Variants in WDR49 observed in about 807,000 individuals in gnomAD.
The protein encoded by WDR49 is WD repeat domain 49.
WDR49 carries 107 observed loss-of-function variants against 119.5 expected under a neutral mutation model. The observed-to-expected ratio is 0.90, with a 90% confidence interval of 0.77 to 1.05. The LOEUF (loss-of-function observed/expected upper bound fraction) is 1.05. Ranked by LOEUF, WDR49 falls within the 50% of genes least tolerant of loss-of-function variation. The pLI, the probability that WDR49 is intolerant of heterozygous loss-of-function variation, is 0.00. For synonymous variants in WDR49, 425 were observed against 418.8 expected (o/e 1.01, Z -0.18); for missense variants, 1,240 against 1,220.5 (o/e 1.02, Z -0.24).
chr3:167,490,285 C>A (rs1284148157), intron 18 of WDR49, among the ~76,000 whole-genome samples: 1 of 151,978 alleles, frequency 6.6e-6, no homozygotes, highest in Non-Finnish European at 1.5e-5. Context: ...GTTTTATAGA[C>A]CCAAAATTTT....
intron 16 of WDR49, among the ~76,000 whole-genome samples, chr3:167,513,483 C>A (rs1362946196): frequency 6.6e-6 from 1 of 152,150 alleles, no homozygotes; most frequent in Non-Finnish European, 1.5e-5. Context: ...AAAGGAAAAA[C>A]CGTTATCAGT....
chr3:167,602,244 A>G lies in WDR49; in HGVS notation c.1158T>C (p.Leu386=), dbSNP rs748484508. Reference sequence around the variant, plus strand: ...GTTTAGAGACAACATAGGGATTCCAAAGGCAAACTTTATTGTTAATGCCAG... The same window carrying G: ...GTTTAGAGACAACATAGGGATTCCAGAGGCAAACTTTATTGTTAATGCCAG... ...ATAGINNKVC[L]WNPYVVSKPV... Residue 386 remains leucine, a synonymous_variant, in exon 7 of 19, where the codon CTT becomes CTC. Transcript: ENST00000682715. The G allele has an allele frequency of 1.8e-5, 28 of 1,593,624 alleles. No homozygotes were observed. The highest frequency in any genetic ancestry group is 1.0e-4 in the Admixed American group (6 of 59,570).
intron 9 of WDR49, among the ~76,000 whole-genome samples, chr3:167,558,172 C>T (rs1405246095): frequency 2.0e-5 from 3 of 152,086 alleles, no homozygotes; most frequent in Non-Finnish European, 4.4e-5. Context: ...AAAACAGTAA[C>T]AGTGGTAGCC....
intron 2 of WDR49, among the ~76,000 whole-genome samples, chr3:167,652,896 A>G (rs1160776470): frequency 6.6e-6 from 1 of 152,160 alleles, no homozygotes; most frequent in African/African-American, 2.4e-5. Flanking sequence ...AAATGCAAGA[A>G]CAATTATTCC....
At chr3:167,576,212 A>G (rs1404346665) in intron 7 of WDR49, 61 bp from the exon 8 acceptor site, 4 of 1,472,014 alleles carry the variant, frequency 2.7e-6, no homozygotes, top group South Asian at 2.5e-5. Flanking sequence ...CTTTTAGCCA[A>G]TTTTTTTTCT....
At chr3:167,601,498 CA>C (rs1203834333) in intron 7 of WDR49, among the ~76,000 whole-genome samples, 2 of 152,036 alleles carry the variant, frequency 1.3e-5, no homozygotes, top group Non-Finnish European at 2.9e-5. Flanking sequence ...GAAGCTTTAC[CA>C]AGGAACAAAA....
chr3:167,586,142 C>A (rs934447378), intron 7 of WDR49, among the ~76,000 whole-genome samples: 1 of 152,150 alleles, frequency 6.6e-6, no homozygotes, highest in Non-Finnish European at 1.5e-5. Flanking sequence ...AAGGATTAAG[C>A]CACAAACTGA....
intron 2 of WDR49, among the ~76,000 whole-genome samples, chr3:167,629,461 G>A (rs1717271578): frequency 6.6e-6 from 1 of 151,932 alleles, no homozygotes; most frequent in Middle Eastern, 3.2e-3. Flanking sequence ...ATGTACAAGG[G>A]GATTAATATT....
At chr3:167,628,876 C>T (rs1019036128) in intron 2 of WDR49, among the ~76,000 whole-genome samples, 3 of 152,136 alleles carry the variant, frequency 2.0e-5, no homozygotes, top group Non-Finnish European at 4.4e-5. Flanking sequence ...CAGACTGACT[C>T]TCTTGTTAGG....
chr3:167,620,335 A>G, intron 5 of WDR49, 94 bp downstream of exon 5: 1 of 1,300,034 alleles, frequency 7.7e-7, no homozygotes, highest in Non-Finnish European at 1.0e-6. Context: ...TGGTTTCTAG[A>G]CTTAAAGGTT....
At chr3:167,586,917 C>G (rs569119242) in intron 7 of WDR49, among the ~76,000 whole-genome samples, 116 of 152,108 alleles carry the variant, frequency 7.6e-4, no homozygotes, top group African/African-American at 2.6e-3. Flanking sequence ...CGTTATAAAA[C>G]CTCTCGGGGA....
At chr3:167,530,673 C>T (rs192160329) in intron 13 of WDR49, among the ~76,000 whole-genome samples, 273 of 152,080 alleles carry the variant, frequency 1.8e-3, no homozygotes, top group African/African-American at 6.5e-3. Flanking sequence ...CATCCATGCT[C>T]CTCATTATTC....
chr3:167,589,708 G>T (rs1230031836), intron 7 of WDR49, among the ~76,000 whole-genome samples: 2 of 151,890 alleles, frequency 1.3e-5, no homozygotes, highest in African/African-American at 4.8e-5. Context: ...TTCTAAACGG[G>T]ATTATTTTCT....
intron 2 of WDR49, among the ~76,000 whole-genome samples, chr3:167,627,954 G>C (rs1048374913): frequency 6.6e-6 from 1 of 151,806 alleles, no homozygotes; most frequent in African/African-American, 2.4e-5. Flanking sequence ...GTCACATTCT[G>C]GTAATTCTTA....
Position 167,570,868 on chromosome 3 carries a change from T to G in WDR49, c.1509+5050A>C, listed in dbSNP as rs914332640. On this transcript the variant is annotated intron_variant, in intron 8 of 18. Coordinates refer to ENST00000682715, the MANE Select transcript of WDR49 (RefSeq NM_001366157.1). ...CTGACCAACATGGTGAAACCATGTC[T>G]CTACTAAAAACGTGAAAAGTAGCCG... Among the ~76,000 whole-genome samples, 13 of 152,068 alleles carry G rather than the reference T, an allele frequency of 8.5e-5. No homozygotes were observed. In the East Asian group the frequency reaches 2.1e-3, roughly 25 times the overall value.
intron 8 of WDR49, among the ~76,000 whole-genome samples, chr3:167,572,637 C>T (rs193076999): frequency 9.2e-5 from 14 of 152,242 alleles, no homozygotes; most frequent in African/African-American, 3.1e-4. Flanking sequence ...GTGTTAGGAG[C>T]TGTGGGAAAA....
At position 167,565,893 on chromosome 3, in the gene WDR49, G is replaced by C. The variant is rs116873629; in HGVS notation, c.1510-5665C>G. On this transcript the variant is annotated intron_variant, in intron 8 of 18. Transcript: ENST00000682715. ...CTAATATTAATTAGCATTTACCCTT[G>C]CTTTATTTCATGTATCTTTATATAT... 9.2e-4 allele frequency among the ~76,000 whole-genome samples: 140 copies of C among 152,084 alleles called. 3 individuals carry two copies. The East Asian group carries it at 0.024, about 26-fold the overall frequency.
intron 10 of WDR49, among the ~76,000 whole-genome samples, chr3:167,550,888 T>C (rs1248717519): frequency 6.6e-6 from 1 of 151,686 alleles, no homozygotes; most frequent in Non-Finnish European, 1.5e-5. Context: ...ACTATACATA[T>C]TATATGCCTA....
intron 9 of WDR49, among the ~76,000 whole-genome samples, chr3:167,555,529 ACATATG>A (rs991425685): frequency 1.3e-5 from 2 of 152,230 alleles, no homozygotes; most frequent in Admixed American, 6.5e-5. Context: ...ACAAGTTACA[ACATATG>A]CTTGTGACTG....
Sources: gnomAD v4.1 joint callset for allele counts (sites outside exome capture counted in the v4.1 genomes callset) on GRCh38, gnomAD v4.1.1 for gene constraint, MANE v1.5 for transcripts, NCBI Gene and HGNC (gene_info 2026-07-23, HGNC 2026-07-21) for gene names.